DCAF1: variants seen among roughly 807,000 people sequenced by gnomAD.
DCAF1 encodes DDB1- and CUL4-associated factor 1.
In DCAF1, 15 loss-of-function variants were observed where a neutral mutation model predicts 128.0. That is an observed-to-expected ratio of 0.12 (90% confidence interval 0.08 to 0.18). The LOEUF is 0.18. Ranked by LOEUF, DCAF1 falls within the 10% of genes least tolerant of loss-of-function variation. DCAF1 has a pLI of 1.00. For synonymous variants in DCAF1, 610 were observed against 603.0 expected, an observed-to-expected ratio of 1.01 and a Z score of -0.17; for missense variants, 988 against 1,649.5, an observed-to-expected ratio of 0.60 and a Z score of 6.95.
chr3:51,435,886 A>G (rs1229224117), intron 9 of DCAF1, among the ~76,000 whole-genome samples: 1 of 152,188 alleles, frequency 6.6e-6, no homozygotes, highest in Admixed American at 6.6e-5. Flanking sequence ...GACAAAAATA[A>G]AGTTGCCAAG....
At chr3:51,422,184 G>A in intron 14 of DCAF1, 123 bp downstream of exon 14, 1 of 632,366 alleles carries the variant, frequency 1.6e-6, no homozygotes, top group Non-Finnish European at 2.9e-6. Context: ...CAGACAAGGA[G>A]CCCCCCTCTA....
intron 5 of DCAF1, among the ~76,000 whole-genome samples, chr3:51,464,146 C>T (rs1368955042): frequency 2.6e-5 from 4 of 152,112 alleles, no homozygotes; most frequent in African/African-American, 9.7e-5. Flanking sequence ...TGAGCCATCA[C>T]ATCTGGCCCC....
upstream of DCAF1, among the ~76,000 whole-genome samples, chr3:51,501,039 A>G (rs1559597492): frequency 6.6e-6 from 1 of 151,944 alleles, no homozygotes; most frequent in East Asian, 1.9e-4. Context: ...TTGGTCTTGA[A>G]TTTCTAGGCT....
intron 3 of DCAF1, among the ~76,000 whole-genome samples, chr3:51,475,680 C>T (rs570611880): frequency 9.6e-4 from 146 of 152,178 alleles, no homozygotes; most frequent in African/African-American, 3.4e-3. Context: ...GCTAACACGG[C>T]GAAAGCCCGT....
Position 51,413,400 on chromosome 3 carries a change from G to A in DCAF1, c.3932-14C>T, listed in dbSNP as rs782012747. The A allele has an allele frequency of 1.1e-5, 18 of 1,607,340 alleles. No individual in the cohort carries two copies. The Admixed American group carries it at 2.9e-4, about 26-fold the overall frequency. On this transcript the variant is annotated splice_polypyrimidine_tract_variant and intron_variant, in intron 20 of 24. Transcript: ENST00000684031. The stretch of plus-strand genomic sequence containing the variant: ...CCTGCAACATAGCTTGAGGGGGAGT[G>A]GGGGAGGAAACACTATTAGGAATCA...
chr3:51,489,854 GA>G (rs1553657126), intron 2 of DCAF1, among the ~76,000 whole-genome samples: 3 of 64,696 alleles, frequency 4.6e-5, no homozygotes, highest in Non-Finnish European at 1.3e-4. Flanking sequence ...TAGATAGATA[GA>G]TAGATGGTAT....
chr3:51,400,150 G>A (rs1553624427), intron 24 of DCAF1, among the ~76,000 whole-genome samples: 2 of 152,194 alleles, frequency 1.3e-5, no homozygotes, highest in Non-Finnish European at 2.9e-5. Flanking sequence ...TGACTGTATT[G>A]GTGATGTATT....
chr3:51,436,429 C>T (rs368238088), intron 9 of DCAF1: 13 of 520,020 alleles, frequency 2.5e-5, no homozygotes, highest in East Asian at 1.6e-4. Context: ...TGCTAGAATA[C>T]GGAATTATGA....
chr3:51,466,088 G>C (rs1356129786), intron 5 of DCAF1, among the ~76,000 whole-genome samples: 1 of 152,096 alleles, frequency 6.6e-6, no homozygotes, highest in African/African-American at 2.4e-5. Context: ...TGTGGTCCCA[G>C]CTACTTGGGA....
At chr3:51,455,815 G>T (rs897839060) in intron 6 of DCAF1, among the ~76,000 whole-genome samples, 1 of 151,884 alleles carries the variant, frequency 6.6e-6, no homozygotes, top group East Asian at 1.9e-4. Flanking sequence ...AAGAATCACT[G>T]GAACCTGGGA....
intron 17 of DCAF1, among the ~76,000 whole-genome samples, chr3:51,417,262 G>C (rs1203429459): frequency 1.3e-5 from 2 of 151,998 alleles, no homozygotes; most frequent in Admixed American, 6.6e-5. Flanking sequence ...TATCAAAAAT[G>C]CAAAAAATTA....
At chr3:51,433,326 C>G (rs1700543318) in intron 9 of DCAF1, 62 bp from the exon 10 acceptor site, 3 of 397,862 alleles carry the variant, frequency 7.5e-6, no homozygotes, top group Non-Finnish European at 4.4e-6. Context: ...ATCTCTTGAC[C>G]TAATATTCAG....
At chr3:51,481,874 C>T (rs1215436295) in intron 3 of DCAF1, among the ~76,000 whole-genome samples, 2 of 152,098 alleles carry the variant, frequency 1.3e-5, no homozygotes, top group African/African-American at 4.8e-5. Context: ...CCTGTAATCC[C>T]AGCTACTCAG....
At chr3:51,436,048 G>A (rs1553636607) in intron 9 of DCAF1, among the ~76,000 whole-genome samples, 1 of 152,186 alleles carries the variant, frequency 6.6e-6, no homozygotes. Flanking sequence ...AAATTCCCAG[G>A]ATGATTCGGG....
chr3:51,448,665 C>T (rs1702089397), intron 6 of DCAF1, among the ~76,000 whole-genome samples: 1 of 152,166 alleles, frequency 6.6e-6, no homozygotes, highest in Non-Finnish European at 1.5e-5. Context: ...TAAGTACATT[C>T]AAAATGTTAA....
chr3:51,408,872 T>C (rs1559475341), intron 23 of DCAF1, among the ~76,000 whole-genome samples: 2 of 152,078 alleles, frequency 1.3e-5, no homozygotes, highest in Admixed American at 1.3e-4. Flanking sequence ...CAGTATGGAG[T>C]GAAACATGCC....
chr3:51,444,592 T>C (rs1348112812), intron 6 of DCAF1, among the ~76,000 whole-genome samples: 1 of 152,038 alleles, frequency 6.6e-6, no homozygotes, highest in Non-Finnish European at 1.5e-5. Context: ...CTTCAAGTGA[T>C]CCGCCCACCT....
At chr3:51,466,304 C>A (rs1042319476) in intron 5 of DCAF1, among the ~76,000 whole-genome samples, 10 of 152,114 alleles carry the variant, frequency 6.6e-5, no homozygotes, top group Admixed American at 4.6e-4. Flanking sequence ...AACATGGACC[C>A]CCAAAGCCCA....
intron 7 of DCAF1, 96 bp downstream of exon 7, chr3:51,443,670 G>T: frequency 8.9e-7 from 1 of 1,120,690 alleles, no homozygotes; most frequent in Non-Finnish European, 1.2e-6. Context: ...TCCAGTACAA[G>T]ATAATCAATA....
Sources: gnomAD v4.1 joint callset for allele counts (sites outside exome capture counted in the v4.1 genomes callset) on GRCh38, gnomAD v4.1.1 for gene constraint, MANE v1.5 for transcripts, NCBI Gene and HGNC (gene_info 2026-07-23, HGNC 2026-07-21) for gene names.